The following PCSK5 variants were observed in gnomAD, a reference collection of about 807,000 sequenced individuals.
PCSK5 encodes proprotein convertase subtilisin/kexin type 5.
A neutral mutation model predicts 233.2 loss-of-function variants in PCSK5; 129 were observed. That is an observed-to-expected ratio of 0.55 (90% CI 0.48 to 0.64). The LOEUF is 0.64. PCSK5 is among the 30% of genes least tolerant of loss of function. The pLI is 0.00. For missense variants in PCSK5, 2,076 were observed against 2,430.1 expected, an observed-to-expected ratio of 0.85 and a Z score of 3.06; for synonymous variants, 825 against 879.2, an observed-to-expected ratio of 0.94 and a Z score of 1.09.
intron 10 of PCSK5, among the ~76,000 whole-genome samples, chr9:76,146,308 G>A (rs1241199822): frequency 4.0e-5 from 6 of 150,576 alleles, no homozygotes; most frequent in Non-Finnish European, 8.9e-5. Context: ...CCATCTATAA[G>A]TGCCTGGTTA....
intron 3 of PCSK5, among the ~76,000 whole-genome samples, chr9:76,018,667 C>T (rs1828055347): frequency 6.6e-6 from 1 of 152,130 alleles, no homozygotes; most frequent in African/African-American, 2.4e-5. Flanking sequence ...AACTGATTTA[C>T]CAGCACTTTA....
At chr9:76,033,376 C>T (rs577847149) in intron 5 of PCSK5, among the ~76,000 whole-genome samples, 36 of 152,082 alleles carry the variant, frequency 2.4e-4, no homozygotes, top group African/African-American at 8.2e-4. Flanking sequence ...CAAAACTTAA[C>T]GAAGAAAATG....
intron 24 of PCSK5, among the ~76,000 whole-genome samples, chr9:76,261,671 T>C (rs2131360228): frequency 1.3e-5 from 2 of 152,346 alleles, no homozygotes; most frequent in South Asian, 4.1e-4. Flanking sequence ...TTGTTTCCTC[T>C]TTTATTTCAC....
rs139716706 is a variant in PCSK5 at position 76,113,844 on chromosome 9, C to T, written c.1208+6493C>T. On this transcript the variant is annotated intron_variant, in intron 9 of 37. Transcript: ENST00000674117. ...ATTTTCCCGAGGGCCACATTCAACT[C>T]TATGAGATGCTGCAGTGGGCAGGGA... is the stretch of plus-strand genomic sequence containing the variant. Among the ~76,000 whole-genome samples the T allele has an allele frequency of 3.4e-3, 516 of 152,186 alleles. 4 individuals are homozygous for T. The highest frequency in any genetic ancestry group is 0.011 in the African/African-American group (474 of 41,516).
intron 5 of PCSK5, among the ~76,000 whole-genome samples, chr9:76,039,711 T>G (rs1411667616): frequency 6.6e-6 from 1 of 152,232 alleles, no homozygotes; most frequent in Non-Finnish European, 1.5e-5. Context: ...ACACAAGAAC[T>G]GCTTCTTTGG....
intron 36 of PCSK5, among the ~76,000 whole-genome samples, chr9:76,352,699 C>A (rs1297228155): frequency 6.6e-6 from 1 of 152,086 alleles, no homozygotes; most frequent in Non-Finnish European, 1.5e-5. Flanking sequence ...TGTTTTCGAA[C>A]TTTAGATAAT....
At chr9:76,070,279 C>T (rs370886285) in intron 6 of PCSK5, among the ~76,000 whole-genome samples, 1 of 152,160 alleles carries the variant, frequency 6.6e-6, no homozygotes, top group Non-Finnish European at 1.5e-5. Flanking sequence ...GGATTACAGG[C>T]GTGAGCCACC....
chr9:76,198,634 G>A (rs1824790293), intron 20 of PCSK5, among the ~76,000 whole-genome samples: 1 of 152,190 alleles, frequency 6.6e-6, no homozygotes, highest in Admixed American at 6.5e-5. Flanking sequence ...CTTTTCTCAA[G>A]TGAAGATAGA....
Position 76,358,832 on chromosome 9 carries a change from A to G in PCSK5, c.5574A>G (p.Thr1858=). ...TCGTCTACATGGGCCAGGATGGCAC[A>G]GTCTACCGGAAATTTAAATATGGGC... is the stretch of plus-strand genomic sequence containing the variant. The part of the protein sequence containing the change: ...DDIVYMGQDG[T]VYRKFKYGLL... The change falls in exon 38 of 38, where the codon ACA becomes ACG. Residue 1858 remains threonine (T), a synonymous_variant. Transcript: ENST00000674117. The G allele has an allele frequency of 1.2e-6, 2 of 1,612,924 alleles. No individual in the cohort carries two copies. Among genetic ancestry groups the G allele is most frequent in the South Asian group, 1.1e-5 (1 of 91,090 alleles).
intron 5 of PCSK5, among the ~76,000 whole-genome samples, chr9:76,028,086 A>G (rs1415955036): frequency 2.0e-5 from 3 of 152,236 alleles, no homozygotes; most frequent in African/African-American, 7.2e-5. Flanking sequence ...TAACTGTAGA[A>G]ACATGCTGTT....
At chr9:76,234,194 T>C (rs1052021698) in intron 22 of PCSK5, among the ~76,000 whole-genome samples, 1 of 152,194 alleles carries the variant, frequency 6.6e-6, no homozygotes, top group Admixed American at 6.5e-5. Context: ...GCCAGATTCA[T>C]ATTTTATTTT....
intron 13 of PCSK5, among the ~76,000 whole-genome samples, chr9:76,171,939 G>C (rs1370356781): frequency 1.3e-5 from 2 of 151,642 alleles, no homozygotes; most frequent in Non-Finnish European, 2.9e-5. Context: ...GGGTGGGGGG[G>C]TGTGTGTGTG....
Position 75,898,825 on chromosome 9 carries a change from A to T in PCSK5, c.192+7452A>T, listed in dbSNP as rs145506832. Among the ~76,000 whole-genome samples the T allele has an allele frequency of 1.1e-3, 167 of 152,326 alleles. 1 individual carries two copies. The highest frequency in any genetic ancestry group is 2.2e-3 in the Non-Finnish European group (147 of 68,040). ...CCACTGATTCTACCAGCACAAGTCT[A>T]CCATGTAACATACAGATCAGAAAAC... On this transcript the variant is annotated intron_variant, in intron 1 of 37. Coordinates refer to ENST00000674117, the MANE Select transcript of PCSK5 (RefSeq NM_001372043.1).
rs556966595 is a variant in PCSK5, at chr9:76,150,431, C to T, written c.1313-6614C>T. On this transcript the variant is annotated intron_variant, in intron 10 of 37. Coordinates refer to ENST00000674117, the MANE Select transcript of PCSK5 (RefSeq NM_001372043.1). ...GGCGGATCACCTGAGGTCAGGAGTT[C>T]GAGACCAGCCTGGCCAACATGGTGA... Among the ~76,000 whole-genome samples the T allele has an allele frequency of 7.2e-5, 11 of 152,198 alleles. No individual in the cohort carries two copies. In the East Asian group the frequency reaches 9.7e-4, roughly 13 times the overall value.
chr9:76,071,064 G>A, intron 6 of PCSK5, among the ~76,000 whole-genome samples: 1 of 151,938 alleles, frequency 6.6e-6, no homozygotes, highest in East Asian at 1.9e-4. Flanking sequence ...GTCTCTTTTT[G>A]CAAAATAGGG....
At chr9:76,185,866 G>T (rs1470932335) in intron 17 of PCSK5, among the ~76,000 whole-genome samples, 1 of 152,086 alleles carries the variant, frequency 6.6e-6, no homozygotes, top group Non-Finnish European at 1.5e-5. Flanking sequence ...TTATGATAAA[G>T]GTTAACTGTG....
chr9:76,147,634 T>C (rs1823493394), intron 10 of PCSK5, among the ~76,000 whole-genome samples: 1 of 152,182 alleles, frequency 6.6e-6, no homozygotes, highest in Non-Finnish European at 1.5e-5. Flanking sequence ...CCGATACACA[T>C]GCAAGTTTGA....
chr9:76,351,056 A>T, intron 36 of PCSK5, 128 bp downstream of exon 36: 1 of 586,006 alleles, frequency 1.7e-6, no homozygotes, highest in South Asian at 2.4e-5. Flanking sequence ...GTGTATGTTT[A>T]GTATTTTAAA....
At chr9:76,351,452 G>GA (rs200917232) in intron 36 of PCSK5, among the ~76,000 whole-genome samples, 902 of 25,050 alleles carry the variant, frequency 0.036, 123 homozygotes, top group African/African-American at 0.094. Context: ...AGAAAGGAAA[G>GA]AAAGAAAGAA....
Sources: gnomAD v4.1 joint callset for allele counts (sites outside exome capture counted in the v4.1 genomes callset) on GRCh38, gnomAD v4.1.1 for gene constraint, MANE v1.5 for transcripts, NCBI Gene and HGNC (gene_info 2026-07-23, HGNC 2026-07-21) for gene names.